Variants in AADAC observed in about 807,000 individuals in gnomAD.
AADAC encodes the protein arylacetamide deacetylase, also known as arylacetamide deacetylase (esterase).
In AADAC, 17 loss-of-function variants were observed where a neutral mutation model predicts 22.7. The ratio of observed to expected loss-of-function variants is 0.75; its 90% CI spans 0.51 to 1.12. AADAC has a LOEUF of 1.12. Among genes scored for constraint, AADAC ranks in the 50% most tolerant of loss-of-function variants. The pLI is 0.00. For missense variants in AADAC, 465 were observed against 473.9 expected (o/e 0.98, Z 0.17); for synonymous variants, 167 against 176.3 (o/e 0.95, Z 0.42).
At chr3:151,820,683 A>ATTTTTTTTT in intron 3 of AADAC, among the ~76,000 whole-genome samples, 1 of 90,932 alleles carries the variant, frequency 1.1e-5, no homozygotes, top group African/African-American at 3.9e-5. Flanking sequence ...ACACCCGGCT[A>ATTTTTTTTT]ATTTTTTTAT....
At chr3:151,819,219 C>G (rs1716131477) in intron 2 of AADAC, among the ~76,000 whole-genome samples, 1 of 151,882 alleles carries the variant, frequency 6.6e-6, no homozygotes, top group African/African-American at 2.4e-5. Context: ...AATAAGCAGA[C>G]AGCAAAGCAC....
At chr3:151,825,007 C>A in intron 4 of AADAC, 173 bp downstream of exon 4, 2 of 494,844 alleles carry the variant, frequency 4.0e-6, no homozygotes, top group Non-Finnish European at 6.6e-6. Context: ...ATTATAATAT[C>A]AATCCCTGCT....
chr3:151,820,019 G>A (rs1295644992), intron 2 of AADAC, among the ~76,000 whole-genome samples: 1 of 151,998 alleles, frequency 6.6e-6, no homozygotes, highest in African/African-American at 2.4e-5. Flanking sequence ...TCAAGTTAGC[G>A]ACTTGTCTTT....
chr3:151,819,389 A>G (rs62272912), intron 2 of AADAC, among the ~76,000 whole-genome samples: 2,734 of 152,114 alleles, frequency 0.018, 62 homozygotes, highest in Non-Finnish European at 0.027. Context: ...AATATTGTTG[A>G]GGAGAGACTT....
chr3:151,817,292 T>C lies in AADAC; in HGVS notation c.139-74T>C. 2 of 1,282,228 alleles carry C rather than the reference T, an allele frequency of 1.6e-6. 1 individual carries two copies. The highest frequency in any genetic ancestry group is 2.2e-6 in the Non-Finnish European group (2 of 898,032). 79.4% of individuals were successfully genotyped at this position (1,282,228 alleles called of 1,614,324 possible). On this transcript the variant is annotated intron_variant, in intron 1 of 4. Coordinates refer to ENST00000232892, the MANE Select transcript of AADAC (RefSeq NM_001086.3). ...CATTTGAGTTTATTAAGGGTTAATG[T>C]CTACCTATAAGTCCATAGATCTCTT...
In AADAC at chr3:151,828,090, A is replaced by G; in HGVS notation, c.1118A>G (p.His373Arg). The G allele has an allele frequency of 6.2e-7, 1 of 1,611,864 alleles. No homozygotes were observed. Among genetic ancestry groups the G allele is most frequent in the East Asian group, 2.2e-5 (1 of 44,850 alleles). ...VTHNHVEDGF[H>R]GAFSFLGLKI... is the part of the protein sequence containing the mutation. ...CATAACCATGTTGAGGATGGATTCC[A>G]TGGAGCATTTTCATTTCTGGGACTT... is the stretch of plus-strand genomic sequence containing the variant. The change falls in exon 5 of 5, where the codon CAT (histidine) becomes CGT (arginine). Residue 373 changes from histidine to arginine, a missense_variant. Coordinates refer to ENST00000232892, the MANE Select transcript of AADAC (RefSeq NM_001086.3).
At position 151,826,672 on chromosome 3, in the gene AADAC, T is replaced by C. The variant is rs3772433; in HGVS notation, c.604-904T>C. Among the ~76,000 whole-genome samples the C allele has an allele frequency of 4.6e-5, 7 of 152,024 alleles. No individual in the cohort carries two copies. The East Asian group carries it at 1.3e-3, about 29-fold the overall frequency. On this transcript the variant is annotated intron_variant, in intron 4 of 4. Transcript: ENST00000232892. The stretch of plus-strand genomic sequence containing the variant: ...TTAAAACATATTTTGTAATATTTCA[T>C]TCTTATAAGTCTCCTTTTTTCCTCC...
In AADAC at chr3:151,822,402, T is replaced by C. The variant is rs62272914; in HGVS notation, c.431+1950T>C. Among the ~76,000 whole-genome samples the C allele has an allele frequency of 5.2e-3, 788 of 152,108 alleles. 14 individuals carry two copies. The highest frequency in any genetic ancestry group is 6.5e-3 in the Non-Finnish European group (440 of 67,940). On this transcript the variant is annotated intron_variant, in intron 3 of 4. Coordinates refer to ENST00000232892, the MANE Select transcript of AADAC (RefSeq NM_001086.3). Reference sequence around the variant, plus strand: ...CTTAAAAGTGGAAGCAACCCAATGTTCATTAACTGATAAATGGATGAATAA... The same window carrying C: ...CTTAAAAGTGGAAGCAACCCAATGTCCATTAACTGATAAATGGATGAATAA...
intron 3 of AADAC, among the ~76,000 whole-genome samples, chr3:151,824,452 C>T (rs1017200439): frequency 3.3e-5 from 5 of 151,826 alleles, no homozygotes; most frequent in Middle Eastern, 3.2e-3. Context: ...TTCTGGGATG[C>T]GGGCAATGTT....
chr3:151,827,821 G>T lies in AADAC; in HGVS notation c.849G>T (p.Trp283Cys). Residue 283 changes from tryptophan to cysteine, a missense_variant, in exon 5 of 5, where the codon TGG becomes TGT. Physicochemically the swap from Trp to Cys is radical, Grantham distance 215. Coordinates refer to ENST00000232892, the MANE Select transcript of AADAC (RefSeq NM_001086.3). ...ESSHLFKFVNWSSLLPERFIK... is the reference protein window; with the variant it reads ...ESSHLFKFVNCSSLLPERFIK... ...GTCATCTCTTCAAATTTGTTAATTG[G>T]AGTTCCCTGCTCCCTGAGAGGTTTA... 1 of 1,613,196 alleles carries T rather than the reference G, an allele frequency of 6.2e-7. No homozygotes were observed.
intron 4 of AADAC, among the ~76,000 whole-genome samples, chr3:151,825,348 G>A (rs557275233): frequency 5.3e-4 from 80 of 151,940 alleles, no homozygotes; most frequent in Non-Finnish European, 9.9e-4. Flanking sequence ...AGGTGTAATC[G>A]TGCCACTGTA....
chr3:151,827,058 G>A (rs1012343779), intron 4 of AADAC, among the ~76,000 whole-genome samples: 2 of 151,784 alleles, frequency 1.3e-5, no homozygotes, highest in African/African-American at 2.4e-5. Flanking sequence ...TCAATGACAG[G>A]TGTGCGTTAC....
chr3:151,823,001 T>A (rs1716314843), intron 3 of AADAC, among the ~76,000 whole-genome samples: 1 of 152,014 alleles, frequency 6.6e-6, no homozygotes, highest in Non-Finnish European at 1.5e-5. Context: ...AAATTCAGGC[T>A]GGGTGCAGTG....
chr3:151,823,280 CGCA>C (rs763230222), intron 3 of AADAC, among the ~76,000 whole-genome samples: 2 of 147,132 alleles, frequency 1.4e-5, no homozygotes, highest in African/African-American at 5.0e-5. Context: ...TCTGTCTCCC[CGCA>C]AAAAAAAAAA....
In AADAC at chr3:151,814,307, T is replaced by C. The variant is rs1715886437; in HGVS notation, c.138+7T>C. The C allele has an allele frequency of 1.2e-6, 2 of 1,609,044 alleles. No individual in the cohort carries two copies. Among genetic ancestry groups the C allele is most frequent in the South Asian group, 2.2e-5 (2 of 90,508 alleles). On this transcript the variant is annotated splice_region_variant and intron_variant, in intron 1 of 4. Coordinates refer to ENST00000232892, the MANE Select transcript of AADAC (RefSeq NM_001086.3). ...GAAAACTATACAAAATTTGGTAAGT[T>C]TGGAATTTTATGAATTCAGATGTGC...
chr3:151,817,660 A>G lies in AADAC; in HGVS notation c.361+72A>G, dbSNP rs372501188. ...ACATTTTACTAAGTCTTCAGTAGGT[A>G]CACATGCCCTTCGGCATGGACATTA... On this transcript the variant is annotated intron_variant, in intron 2 of 4. Coordinates refer to ENST00000232892, the MANE Select transcript of AADAC (RefSeq NM_001086.3). 8 of 1,343,240 alleles carry G rather than the reference A, an allele frequency of 6.0e-6. No individual in the cohort carries two copies. In the Middle Eastern group the frequency reaches 9.7e-4, roughly 163 times the overall value. 83.2% of individuals were successfully genotyped at this position (1,343,240 alleles called of 1,614,324 possible).
intron 2 of AADAC, 59 bp downstream of exon 2, chr3:151,817,647 G>A (rs1242730474): frequency 1.4e-6 from 2 of 1,451,446 alleles, no homozygotes; most frequent in Non-Finnish European, 1.9e-6. Flanking sequence ...ATTTTACTAA[G>A]TCTTCAGTAG....
chr3:151,827,972 CT>C lies in AADAC; in HGVS notation c.1001del (p.Leu334ArgfsTer12), dbSNP rs764923930. The C allele has an allele frequency of 1.1e-5, 18 of 1,612,706 alleles. No homozygotes were observed. The highest frequency in any genetic ancestry group is 2.2e-5 in the East Asian group (1 of 44,858). Reference protein sequence around the residue: ...ADDNKLRGLPLTYVITCQYDL... With the variant: ...ADDNKLRGLPXTYVITCQYDL... ...TGACAACAAATTACGTGGCTTACCC[CT>C]GACCTATGTCATCACCTGTCAATAT... On this transcript the variant is annotated frameshift_variant, in exon 5 of 5. Transcript: ENST00000232892. LOFTEE classifies it low-confidence loss of function (END_TRUNC).
intron 3 of AADAC, among the ~76,000 whole-genome samples, chr3:151,824,265 G>A (rs913135208): frequency 1.3e-5 from 2 of 151,918 alleles, no homozygotes; most frequent in Non-Finnish European, 2.9e-5. Context: ...TATACAGGAA[G>A]ACAGAAGCAA....
Sources: allele counts gnomAD v4.1 joint callset (sites outside exome capture counted in the v4.1 genomes callset), GRCh38; gene constraint gnomAD v4.1.1; transcripts MANE v1.5; gene names NCBI Gene and HGNC (gene_info 2026-07-23, HGNC 2026-07-21).